PZP: variants seen among roughly 807,000 people sequenced by gnomAD.
PZP encodes the protein pregnancy zone protein.
PZP carries 150 observed loss-of-function variants against 179.8 expected under a neutral mutation model. The ratio of observed to expected loss-of-function variants is 0.83; its 90% CI spans 0.73 to 0.96. The LOEUF is 0.96. Ranked by LOEUF, PZP falls within the 40% of genes least tolerant of loss-of-function variation. The pLI is 0.00. For missense variants in PZP, 1,689 were observed against 1,764.0 expected, an observed-to-expected ratio of 0.96 and a Z score of 0.76; for synonymous variants, 624 against 652.3, an observed-to-expected ratio of 0.96 and a Z score of 0.66.
At position 9,188,013 on chromosome 12, in the gene PZP, C is replaced by T. The variant is rs1275322874; in HGVS notation, c.1546+4180G>A. On this transcript the variant is annotated intron_variant, in intron 13 of 35. Coordinates refer to ENST00000261336, the MANE Select transcript of PZP (RefSeq NM_002864.3). ...GTTGCCCCCATGAGGAGAAGTGGGA[C>T]TCACATAAAAAATAGTCTGGCCAAA... is the stretch of plus-strand genomic sequence containing the variant. 2.6e-5 allele frequency among the ~76,000 whole-genome samples: 4 copies of T among 152,338 alleles called. 1 individual carries two copies. In the East Asian group the frequency reaches 5.8e-4, roughly 22 times the overall value.
intron 15 of PZP, among the ~76,000 whole-genome samples, chr12:9,171,833 G>A (rs1455108793): frequency 1.3e-5 from 2 of 152,168 alleles, no homozygotes; most frequent in Admixed American, 6.5e-5. Flanking sequence ...TGAGAAATAT[G>A]GGATTATGTA....
intron 13 of PZP, among the ~76,000 whole-genome samples, chr12:9,182,802 A>G (rs1402084596): frequency 6.6e-6 from 1 of 152,252 alleles, no homozygotes; most frequent in African/African-American, 2.4e-5. Flanking sequence ...GCCCACATTT[A>G]GTTGAATAAC....
intron 2 of PZP, 116 bp from the exon 3 acceptor site, chr12:9,202,800 T>C (rs1702954101): frequency 1.0e-6 from 1 of 978,392 alleles, no homozygotes; most frequent in Non-Finnish European, 1.5e-6. Flanking sequence ...AAGGAAGGTG[T>C]GACTATTTCT....
chr12:9,196,321 A>G lies in PZP; in HGVS notation c.1092+9T>C, dbSNP rs754465539. ...ACTTTGCTTACCTGTGCATTACAAC[A>G]TATCTTACCTGTGCAAAAAAGGGGA... On this transcript the variant is annotated intron_variant, in intron 10 of 35. Coordinates refer to ENST00000261336, the MANE Select transcript of PZP (RefSeq NM_002864.3). 6.3e-6 allele frequency: 10 copies of G among 1,583,134 alleles called. No homozygotes were observed. Among genetic ancestry groups the G allele is most frequent in the South Asian group, 1.1e-5 (1 of 90,308 alleles).
At chr12:9,152,351 G>A (rs767814252) in intron 31 of PZP, 41 bp from the exon 32 acceptor site, 1 of 1,454,518 alleles carries the variant, frequency 6.9e-7, no homozygotes, top group East Asian at 2.3e-5. Context: ...TTTTATACGT[G>A]AAAGAAAGCC....
chr12:9,197,616 AT>A (rs1211019642), intron 7 of PZP, among the ~76,000 whole-genome samples: 4 of 95,258 alleles, frequency 4.2e-5, no homozygotes, highest in African/African-American at 8.7e-5. Flanking sequence ...TATATTATAT[AT>A]TTATATATTA....
chr12:9,153,300 G>C lies in PZP; in HGVS notation c.3818C>G (p.Ala1273Gly). ...AGTTTTCTCAGTTCTGGTGAAAGTGGCTGCTCCATACCTGGACAGGGCATG... is the reference window on the plus strand; with the variant it reads ...AGTTTTCTCAGTTCTGGTGAAAGTGCCTGCTCCATACCTGGACAGGGCATG... ...ALHALSRYGA[A>G]TFTRTEKTAQ... The change falls in exon 30 of 36, where the codon GCC (alanine) becomes GGC (glycine). Residue 1273 changes from alanine (A) to glycine (G), a missense_variant. By Grantham distance (60) the Ala-to-Gly change is moderately conservative. Transcript: ENST00000261336. 1 of 1,614,150 alleles carries C rather than the reference G, an allele frequency of 6.2e-7. No homozygotes were observed.
At chr12:9,137,524 C>T in the PZP span, among the ~76,000 whole-genome samples, 1 of 151,926 alleles carries the variant, frequency 6.6e-6, no homozygotes, top group African/African-American at 2.4e-5. Context: ...TTCTCATTCC[C>T]TATAAATTTT....
chr12:9,205,569 A>C (rs1944404640), intron 1 of PZP, among the ~76,000 whole-genome samples: 1 of 152,210 alleles, frequency 6.6e-6, no homozygotes, highest in Non-Finnish European at 1.5e-5. Flanking sequence ...CCCATGCCAA[A>C]TCAGTAAAAT....
chr12:9,200,544 C>T, intron 6 of PZP, 96 bp from the exon 7 acceptor site: 2 of 947,784 alleles, frequency 2.1e-6, no homozygotes, highest in Non-Finnish European at 1.6e-6. Context: ...CAAAATAACA[C>T]TCTGAATGTT....
intron 14 of PZP, 56 bp downstream of exon 14, chr12:9,181,919 T>A: frequency 6.4e-7 from 1 of 1,558,704 alleles, no homozygotes; most frequent in Non-Finnish European, 8.7e-7. Flanking sequence ...GTAAAATAGA[T>A]GGCACCTACA....
At position 9,161,102 on chromosome 12, in the gene PZP, C is replaced by G; in HGVS notation, c.2803G>C (p.Glu935Gln). 6.3e-7 allele frequency: 1 copy of G among 1,589,980 alleles called. No individual in the cohort carries two copies. Among genetic ancestry groups the G allele is most frequent in the Middle Eastern group, 1.7e-4 (1 of 5,988 alleles). The change falls in exon 23 of 36, where the codon GAG (glutamate) becomes CAG (glutamine). Residue 935 changes from glutamate (E) to glutamine (Q), a missense_variant. By Grantham distance (29) the Glu-to-Gln change is conservative (BLOSUM62 2). Transcript: ENST00000261336. ...MTCASGANVS[E>Q]QLSLKLPSNV... ...GATGGGAGCTTCAAGGACAACTGCTCAGACACATTAGCACCTTTAGAAACA... is the reference window on the plus strand; with the variant it reads ...GATGGGAGCTTCAAGGACAACTGCTGAGACACATTAGCACCTTTAGAAACA...
At chr12:9,206,894 C>G (rs964315829) in intron 1 of PZP, among the ~76,000 whole-genome samples, 7 of 152,148 alleles carry the variant, frequency 4.6e-5, no homozygotes, top group Admixed American at 1.3e-4. Context: ...ACACGCTACT[C>G]GCTTTATCCA....
intron 13 of PZP, among the ~76,000 whole-genome samples, chr12:9,186,678 A>G (rs1227387525): frequency 1.3e-5 from 2 of 152,186 alleles, no homozygotes; most frequent in Non-Finnish European, 2.9e-5. Flanking sequence ...GCCATAAAAA[A>G]GGATGAGTTC....
chr12:9,172,970 A>G (rs1478002627), intron 15 of PZP, among the ~76,000 whole-genome samples: 1 of 152,262 alleles, frequency 6.6e-6, no homozygotes, highest in African/African-American at 2.4e-5. Flanking sequence ...CTCTGGATCA[A>G]GTGGACCTGA....
intron 13 of PZP, among the ~76,000 whole-genome samples, chr12:9,187,077 CAAAAA>C (rs59000486): frequency 7.8e-6 from 1 of 128,732 alleles, no homozygotes; most frequent in Admixed American, 7.7e-5. Context: ...CAAGAAAGGT[CAAAAA>C]AAAAAAAAAA....
At chr12:9,200,847 T>C in intron 6 of PZP, 45 bp downstream of exon 6, 2 of 1,577,184 alleles carry the variant, frequency 1.3e-6, no homozygotes, top group Admixed American at 1.9e-5. Flanking sequence ...GCTCACACTC[T>C]AGGAACCAAA....
downstream of PZP, among the ~76,000 whole-genome samples, chr12:9,147,082 G>A (rs1940048725): frequency 6.6e-6 from 1 of 152,166 alleles, no homozygotes; most frequent in African/African-American, 2.4e-5. Context: ...GACTGGCAAG[G>A]CAGATGTCAG....
rs1941556802 is a variant in PZP, at chr12:9,166,008, C to T, written c.2258+44G>A. On this transcript the variant is annotated intron_variant, in intron 18 of 35. Transcript: ENST00000261336. ...AGAATTGAAAATGTTGGAGGAACCA[C>T]ATTCCCTCCCCTCCAGCAAATGGAG... 5 of 1,563,536 alleles carry T rather than the reference C, an allele frequency of 3.2e-6. No individual in the cohort carries two copies. In the East Asian group the frequency reaches 1.1e-4, roughly 35 times the overall value.
Sources: allele counts gnomAD v4.1 joint callset (sites outside exome capture counted in the v4.1 genomes callset), GRCh38; gene constraint gnomAD v4.1.1; transcripts MANE v1.5; gene names NCBI Gene and HGNC (gene_info 2026-07-23, HGNC 2026-07-21).